The following SYTL5 variants were observed in gnomAD, a reference collection of about 807,000 sequenced individuals.
SYTL5 encodes synaptotagmin-like protein 5.
A neutral mutation model predicts 55.9 loss-of-function variants in SYTL5; 34 were observed. The observed-to-expected ratio is 0.61, with a 90% CI of 0.46 to 0.81. SYTL5 has a LOEUF of 0.81. Among genes scored for constraint, SYTL5 ranks in the 30% least tolerant of loss-of-function variants. SYTL5 has a pLI of 0.00. For synonymous variants in SYTL5, 221 were observed against 188.7 expected, an observed-to-expected ratio of 1.17 and a Z score of -1.40; for missense variants, 637 against 546.7, an observed-to-expected ratio of 1.17 and a Z score of -1.65.
At chrX:37,995,018 T>TGG in the SYTL5 span, among the ~76,000 whole-genome samples, 3 of 109,956 alleles carry the variant, frequency 2.7e-5, no homozygotes, top group African/African-American at 1.0e-4. Flanking sequence ...GTGGCCAGTG[T>TGG]GGAGTGTTTG....
chrX:37,901,298 T>C, the SYTL5 span, among the ~76,000 whole-genome samples: 1 of 111,547 alleles, frequency 9.0e-6, no homozygotes, highest in Non-Finnish European at 1.9e-5. Flanking sequence ...TCTTACCTCA[T>C]AGAAGCTGTT....
intron 13 of SYTL5, among the ~76,000 whole-genome samples, chrX:38,116,035 T>C (rs1205261730): frequency 9.0e-6 from 1 of 111,719 alleles, no homozygotes; most frequent in Non-Finnish European, 1.9e-5. Context: ...GTGGAGCTTT[T>C]CCCCTATGTT....
the SYTL5 span, among the ~76,000 whole-genome samples, chrX:37,982,520 A>G: frequency 1.8e-5 from 2 of 112,839 alleles, no homozygotes; most frequent in Non-Finnish European, 3.8e-5. Context: ...AAAGGTAATT[A>G]TGTAATTATG....
At chrX:37,996,033 G>A in the SYTL5 span, among the ~76,000 whole-genome samples, 1 of 111,675 alleles carries the variant, frequency 9.0e-6, no homozygotes, top group Non-Finnish European at 1.9e-5. Context: ...AAGGACCCGG[G>A]CTTCTGGGCT....
the SYTL5 span, among the ~76,000 whole-genome samples, chrX:37,953,619 C>T: frequency 1.1e-4 from 12 of 109,861 alleles, no homozygotes; most frequent in Non-Finnish European, 2.1e-4. Flanking sequence ...AGCTCCAAAA[C>T]CAGAAAAAAA....
intron 13 of SYTL5, among the ~76,000 whole-genome samples, chrX:38,117,599 C>T (rs910937731): frequency 8.9e-6 from 1 of 112,186 alleles, no homozygotes; most frequent in Non-Finnish European, 1.9e-5. Flanking sequence ...CGACTAGACT[C>T]ATCTAGGTAG....
At chrX:38,072,415 T>A (rs910967787) in intron 4 of SYTL5, among the ~76,000 whole-genome samples, 5 of 112,506 alleles carry the variant, frequency 4.4e-5, no homozygotes, top group Non-Finnish European at 9.4e-5. Context: ...TTTGTCTCCA[T>A]CATAGACAGT....
Position 38,125,414 on chromosome X carries a change from T to C in SYTL5, c.1958T>C (p.Ile653Thr). The change falls in exon 16 of 17, where the codon ATA (isoleucine) becomes ACA (threonine). Residue 653 changes from isoleucine (I) to threonine (T), a missense_variant. Coordinates refer to ENST00000297875, the MANE Select transcript of SYTL5 (RefSeq NM_138780.3). ...FMFSGIHPQD[I>T]KNVCLELTIW... is the part of the protein sequence containing the mutation. Reference sequence around the variant, plus strand: ...TTCAGTGGCATCCATCCCCAGGATATAAAGAATGTTTGCCTAGAACTTACT... The same window carrying C: ...TTCAGTGGCATCCATCCCCAGGATACAAAGAATGTTTGCCTAGAACTTACT... 8.3e-7 allele frequency: 1 copy of C among 1,210,624 alleles called. No individual in the cohort carries two copies. The highest frequency in any genetic ancestry group is 1.1e-6 in the Non-Finnish European group (1 of 894,336).
At chrX:38,009,819 T>A (rs1934118772) in intron 1 of SYTL5, among the ~76,000 whole-genome samples, 1 of 112,091 alleles carries the variant, frequency 8.9e-6, no homozygotes, top group South Asian at 3.7e-4. Context: ...CCCTGTGCAC[T>A]CTCTGTGAAC....
intron 6 of SYTL5, among the ~76,000 whole-genome samples, chrX:38,079,701 A>G (rs1031031337): frequency 8.9e-6 from 1 of 112,036 alleles, no homozygotes; most frequent in Admixed American, 9.5e-5. Context: ...AGAATAGAGA[A>G]GAGGAAGAAG....
the SYTL5 span, chrX:37,991,003 C>A: frequency 8.3e-7 from 1 of 1,211,919 alleles, no homozygotes; most frequent in East Asian, 3.0e-5. Context: ...ACCCTCCTTA[C>A]CTTGCTCGAT....
At chrX:38,025,981 G>A (rs1226453027) in intron 1 of SYTL5, among the ~76,000 whole-genome samples, 1 of 112,356 alleles carries the variant, frequency 8.9e-6, no homozygotes, top group African/African-American at 3.2e-5. Flanking sequence ...ATTCACTCCT[G>A]AAGGGAGAGC....
the SYTL5 span, among the ~76,000 whole-genome samples, chrX:37,969,383 T>C: frequency 9.0e-6 from 1 of 111,677 alleles, no homozygotes; most frequent in Admixed American, 9.5e-5. Flanking sequence ...AGCTAGCTTT[T>C]ACCAATCTAA....
chrX:38,059,905 G>A (rs955390860), intron 3 of SYTL5, among the ~76,000 whole-genome samples: 15 of 110,957 alleles, frequency 1.4e-4, no homozygotes, highest in Admixed American at 2.9e-4. Flanking sequence ...CTATTTGATC[G>A]TTAGTATTTA....
At chrX:37,893,621 T>G in the SYTL5 span, among the ~76,000 whole-genome samples, 1 of 77,009 alleles carries the variant, frequency 1.3e-5, no homozygotes, top group South Asian at 5.3e-4. Context: ...ACAATCTATA[T>G]ATAATCTATA....
the SYTL5 span, among the ~76,000 whole-genome samples, chrX:37,984,478 T>G: frequency 8.9e-6 from 1 of 111,815 alleles, no homozygotes; most frequent in Non-Finnish European, 1.9e-5. Context: ...AATAAATAGA[T>G]TGAATTAGTA....
Position 38,108,638 on chromosome X carries a change from A to C in SYTL5, c.1373A>C (p.Asn458Thr), listed in dbSNP as rs369071287. Residue 458 changes from asparagine (N) to threonine (T), a missense_variant, in exon 12 of 17, where the codon AAC (asparagine) becomes ACC (threonine). By Grantham distance (65) the Asn-to-Thr change is moderately conservative. Transcript: ENST00000297875. ...KSYLLPDKSR[N>T]NKRKTKIRTG... is the part of the protein sequence containing the mutation. ...TATCTTCTTCCTGACAAGTCCCGGA[A>C]CAACAAGCGTAAGACCAAAATCAGA... 6 of 1,202,283 alleles carry C rather than the reference A, an allele frequency of 5.0e-6. No homozygotes were observed. In the African/African-American group the frequency reaches 1.1e-4, roughly 21 times the overall value.
At chrX:38,075,997 A>G (rs1337165606) in intron 5 of SYTL5, among the ~76,000 whole-genome samples, 3 of 112,152 alleles carry the variant, frequency 2.7e-5, no homozygotes, top group Non-Finnish European at 5.6e-5. Context: ...TTTATCCAAC[A>G]TGAGGCACAA....
the SYTL5 span, among the ~76,000 whole-genome samples, chrX:37,999,657 C>T: frequency 8.9e-6 from 1 of 112,189 alleles, no homozygotes; most frequent in Admixed American, 9.4e-5. Flanking sequence ...GGGGGACCAT[C>T]AGCTTCTGTG....
Sources: allele counts gnomAD v4.1 joint callset (sites outside exome capture counted in the v4.1 genomes callset), GRCh38; gene constraint gnomAD v4.1.1; transcripts MANE v1.5; gene names NCBI Gene and HGNC (gene_info 2026-07-23, HGNC 2026-07-21).